The following RALYL variants were observed in gnomAD, a reference collection of about 807,000 sequenced individuals.
The protein encoded by RALYL is RNA-binding Raly-like protein.
RALYL carries 29 observed loss-of-function variants against 35.1 expected under a neutral mutation model. The observed-to-expected ratio is 0.83, with a 90% CI of 0.61 to 1.13. RALYL has a LOEUF of 1.13. Ranked by LOEUF, RALYL falls within the 50% of genes most tolerant of loss-of-function variation. The pLI is 0.00. For synonymous variants in RALYL, 120 were observed against 127.6 expected, an observed-to-expected ratio of 0.94 and a Z score of 0.40; for missense variants, 359 against 360.4, an observed-to-expected ratio of 1.00 and a Z score of 0.03.
At chr8:84,579,092 G>A (rs561645814) in intron 2 of RALYL, among the ~76,000 whole-genome samples, 27 of 152,220 alleles carry the variant, frequency 1.8e-4, no homozygotes, top group African/African-American at 5.1e-4. Context: ...CATGTGGAAG[G>A]GTGCCTGCAG....
intron 4 of RALYL, among the ~76,000 whole-genome samples, chr8:84,825,059 A>T (rs1228499271): frequency 6.6e-6 from 1 of 152,192 alleles, no homozygotes; most frequent in African/African-American, 2.4e-5. Context: ...GGAAGTAAAC[A>T]GACAACGTAC....
intron 2 of RALYL, among the ~76,000 whole-genome samples, chr8:84,637,212 A>G (rs1292036337): frequency 6.6e-6 from 1 of 151,914 alleles, no homozygotes; most frequent in Admixed American, 6.6e-5. Context: ...CTAAACAAAA[A>G]CTATTGACTT....
At chr8:84,238,512 A>G (rs199940940) in intron 1 of RALYL, among the ~76,000 whole-genome samples, 2 of 152,154 alleles carry the variant, frequency 1.3e-5, no homozygotes, top group East Asian at 3.8e-4. Context: ...AGCATATATC[A>G]ACCAGCTACT....
chr8:84,184,878 A>G, intron 1 of RALYL: 1 of 1,219,068 alleles, frequency 8.2e-7, no homozygotes, highest in Non-Finnish European at 1.2e-6. Flanking sequence ...TAGAAGCGGC[A>G]GAGACCGCAT....
At chr8:84,531,937 A>G (rs1163940055) in intron 2 of RALYL, among the ~76,000 whole-genome samples, 2 of 152,096 alleles carry the variant, frequency 1.3e-5, no homozygotes, top group Admixed American at 1.3e-4. Context: ...TTTGAGAGGC[A>G]CAAAGTTAAA....
intron 2 of RALYL, among the ~76,000 whole-genome samples, chr8:84,683,579 C>A (rs1836097233): frequency 6.6e-6 from 1 of 152,040 alleles, no homozygotes. Flanking sequence ...TGAAAGATAC[C>A]AGATTTGCAT....
chr8:84,526,064 G>T (rs2058872077), intron 1 of RALYL, among the ~76,000 whole-genome samples: 1 of 143,298 alleles, frequency 7.0e-6, no homozygotes. Context: ...CAATTCTTCT[G>T]CCTCAGCCTT....
chr8:84,464,047 T>C (rs2051175431), intron 1 of RALYL, among the ~76,000 whole-genome samples: 1 of 151,768 alleles, frequency 6.6e-6, no homozygotes, highest in Non-Finnish European at 1.5e-5. Flanking sequence ...CATTTATCAG[T>C]AGTGAGTTCC....
chr8:84,469,397 C>G (rs891686114), intron 1 of RALYL, among the ~76,000 whole-genome samples: 1 of 152,112 alleles, frequency 6.6e-6, no homozygotes, highest in African/African-American at 2.4e-5. Flanking sequence ...TTGGAGTACC[C>G]TGCCGTGTGA....
intron 1 of RALYL, among the ~76,000 whole-genome samples, chr8:84,434,714 G>A (rs749898290): frequency 1.3e-5 from 2 of 152,032 alleles, no homozygotes; most frequent in Admixed American, 6.6e-5. Flanking sequence ...TATAGATCAC[G>A]GCTGACTTCA....
chr8:84,855,464 G>A (rs900004185), intron 5 of RALYL, among the ~76,000 whole-genome samples: 3 of 152,136 alleles, frequency 2.0e-5, no homozygotes, highest in Admixed American at 6.5e-5. Flanking sequence ...CTGTCTATTC[G>A]TGGTTTCAGG....
chr8:84,680,511 T>A (rs916129467), intron 2 of RALYL, among the ~76,000 whole-genome samples: 1 of 152,204 alleles, frequency 6.6e-6, no homozygotes, highest in Non-Finnish European at 1.5e-5. Flanking sequence ...CCAGCACCTG[T>A]TGTTTCCTGA....
chr8:84,463,214 A>G (rs1422558102), intron 1 of RALYL, among the ~76,000 whole-genome samples: 4 of 151,952 alleles, frequency 2.6e-5, no homozygotes, highest in Non-Finnish European at 5.9e-5. Flanking sequence ...CTCTCATGAC[A>G]CTGTTTACTC....
intron 1 of RALYL, among the ~76,000 whole-genome samples, chr8:84,463,085 A>G (rs1287711092): frequency 6.6e-6 from 1 of 151,938 alleles, no homozygotes; most frequent in South Asian, 2.1e-4. Flanking sequence ...ATTGACTTTC[A>G]TATTTGTTAG....
chr8:84,353,344 A>G (rs1421048750), intron 1 of RALYL, among the ~76,000 whole-genome samples: 1 of 150,244 alleles, frequency 6.7e-6, no homozygotes, highest in Admixed American at 6.6e-5. Flanking sequence ...ATCTCCTACT[A>G]GCTTTTAAGC....
At chr8:84,509,502 G>A (rs930432722) in intron 1 of RALYL, among the ~76,000 whole-genome samples, 2 of 152,142 alleles carry the variant, frequency 1.3e-5, no homozygotes, top group African/African-American at 4.8e-5. Flanking sequence ...CTTCTGCAGA[G>A]TAGGGGTTTT....
chr8:84,522,181 T>C (rs969912721), intron 1 of RALYL, among the ~76,000 whole-genome samples: 4 of 152,228 alleles, frequency 2.6e-5, no homozygotes, highest in African/African-American at 7.2e-5. Flanking sequence ...GTGACCTCTA[T>C]TTTCAGCGGG....
intron 1 of RALYL, among the ~76,000 whole-genome samples, chr8:84,406,744 C>T (rs1056379383): frequency 2.0e-5 from 3 of 151,740 alleles, no homozygotes; most frequent in Non-Finnish European, 2.9e-5. Context: ...AATAAAATAC[C>T]AATACTTTCT....
At chr8:84,508,710 A>C (rs2057371267) in intron 1 of RALYL, among the ~76,000 whole-genome samples, 1 of 151,974 alleles carries the variant, frequency 6.6e-6, no homozygotes, top group Non-Finnish European at 1.5e-5. Flanking sequence ...ATTGGGTTTT[A>C]TCAAAAAAAG....
Sources: allele counts gnomAD v4.1 joint callset (sites outside exome capture counted in the v4.1 genomes callset), GRCh38; gene constraint gnomAD v4.1.1; transcripts MANE v1.5; gene names NCBI Gene and HGNC (gene_info 2026-07-23, HGNC 2026-07-21).